Variants in CTXND1 observed in about 807,000 individuals in gnomAD.
The protein encoded by CTXND1 is cortexin domain containing 1.
chr15:80,226,597 C>T (rs1893374479), intron 1 of CTXND1, among the ~76,000 whole-genome samples: 1 of 152,174 alleles, frequency 6.6e-6, no homozygotes, highest in Non-Finnish European at 1.5e-5. Flanking sequence ...ATTGAATTCT[C>T]CACTTTCCCC....
intron 1 of CTXND1, among the ~76,000 whole-genome samples, chr15:80,235,747 T>C (rs1362702036): frequency 6.6e-6 from 1 of 151,884 alleles, no homozygotes; most frequent in African/African-American, 2.4e-5. Flanking sequence ...AGGGCTACCC[T>C]ACCAATCCCT....
chr15:80,204,207 C>A (rs60618394), intron 1 of CTXND1, among the ~76,000 whole-genome samples: 5 of 52,872 alleles, frequency 9.5e-5, no homozygotes, highest in South Asian at 7.0e-4. Flanking sequence ...TATACACAAA[C>A]ACATACACAC....
At chr15:80,219,798 A>G (rs1893292487) in intron 1 of CTXND1, among the ~76,000 whole-genome samples, 1 of 152,056 alleles carries the variant, frequency 6.6e-6, no homozygotes, top group South Asian at 2.1e-4. Flanking sequence ...ATCTTTTTAT[A>G]ATTTTATTGG....
At chr15:80,245,643 G>A (rs1015590568) in intron 1 of CTXND1, among the ~76,000 whole-genome samples, 6 of 152,270 alleles carry the variant, frequency 3.9e-5, no homozygotes, top group Middle Eastern at 3.4e-3. Context: ...AAGGACAGGG[G>A]GCATGGACTC....
chr15:80,224,131 C>T lies in CTXND1; in HGVS notation c.-217-20391G>A, dbSNP rs537052158. On this transcript the variant is annotated intron_variant, in intron 1 of 2. Transcript: ENST00000560778. ...AGAGACTAAAGAGGAAAGAGGGATG[C>T]CTGAGGAACCCCAGCAGTTCCAGCC... Among the ~76,000 whole-genome samples the T allele has an allele frequency of 2.6e-5, 4 of 152,244 alleles. No individual in the cohort carries two copies. In the East Asian group the frequency reaches 7.7e-4, roughly 29 times the overall value.
At chr15:80,223,182 G>A (rs934482356) in intron 1 of CTXND1, among the ~76,000 whole-genome samples, 10 of 152,096 alleles carry the variant, frequency 6.6e-5, no homozygotes, top group Admixed American at 3.9e-4. Context: ...AGGTTCAAGC[G>A]ATTCTCCAGA....
At chr15:80,204,704 T>C (rs1177646281) in intron 1 of CTXND1, among the ~76,000 whole-genome samples, 1 of 150,548 alleles carries the variant, frequency 6.6e-6, no homozygotes. Context: ...TTTTCATCAA[T>C]GGACACTCAG....
intron 1 of CTXND1, among the ~76,000 whole-genome samples, chr15:80,237,352 A>G (rs1020494196): frequency 6.6e-6 from 1 of 151,216 alleles, no homozygotes; most frequent in Non-Finnish European, 1.5e-5. Context: ...AAAAAAAAAA[A>G]AAAAAGAAAG....
chr15:80,206,349 T>A (rs1359096423), intron 1 of CTXND1, among the ~76,000 whole-genome samples: 1 of 152,210 alleles, frequency 6.6e-6, no homozygotes, highest in East Asian at 1.9e-4. Flanking sequence ...TAATTTTCAT[T>A]TATCTTCGTG....
intron 1 of CTXND1, among the ~76,000 whole-genome samples, chr15:80,226,330 A>G (rs16971853): frequency 0.3 from 45,641 of 152,122 alleles, 7,773 homozygotes; most frequent in East Asian, 0.58. Context: ...CTTTTTGCTC[A>G]GTTGAAAATA....
intron 1 of CTXND1, among the ~76,000 whole-genome samples, chr15:80,223,301 C>T (rs1250923075): frequency 6.6e-6 from 1 of 152,198 alleles, no homozygotes; most frequent in Non-Finnish European, 1.5e-5. Context: ...AGGTGATCTG[C>T]CCGCTTCAGC....
intron 1 of CTXND1, among the ~76,000 whole-genome samples, chr15:80,227,185 T>A (rs545017440): frequency 6.6e-6 from 1 of 152,326 alleles, no homozygotes; most frequent in Middle Eastern, 3.4e-3. Flanking sequence ...AGCAAACAAC[T>A]GGTACACAAG....
At chr15:80,204,581 C>G (rs1162538178) in intron 1 of CTXND1, among the ~76,000 whole-genome samples, 1 of 150,656 alleles carries the variant, frequency 6.6e-6, no homozygotes, top group Non-Finnish European at 1.5e-5. Context: ...ATAATGTCCT[C>G]CAGCTTCATC....
At chr15:80,230,734 T>C (rs1893418650) in intron 1 of CTXND1, among the ~76,000 whole-genome samples, 1 of 152,136 alleles carries the variant, frequency 6.6e-6, no homozygotes, top group Admixed American at 6.5e-5. Flanking sequence ...AAAGTATGGG[T>C]ATTTAAAAGT....
At chr15:80,202,735 T>C (rs1324889684) in intron 2 of CTXND1, among the ~76,000 whole-genome samples, 1 of 152,228 alleles carries the variant, frequency 6.6e-6, no homozygotes, top group Non-Finnish European at 1.5e-5. Flanking sequence ...GGAGGGTCTA[T>C]ATCCCCTTCC....
At chr15:80,212,947 A>C (rs1020055) in intron 1 of CTXND1, among the ~76,000 whole-genome samples, 136,273 of 152,260 alleles carry the variant, frequency 0.9, 61,241 homozygotes, top group African/African-American at 0.97. Flanking sequence ...AAGGGTGGAG[A>C]CTTCAAAAAT....
intron 1 of CTXND1, among the ~76,000 whole-genome samples, chr15:80,243,843 C>A (rs1893598387): frequency 6.6e-6 from 1 of 152,196 alleles, no homozygotes; most frequent in Non-Finnish European, 1.5e-5. Flanking sequence ...TCTTTTGGGG[C>A]TACCAGCTTA....
chr15:80,234,721 G>A (rs1158148144), intron 1 of CTXND1, among the ~76,000 whole-genome samples: 1 of 152,112 alleles, frequency 6.6e-6, no homozygotes, highest in Non-Finnish European at 1.5e-5. Context: ...CAGGTGATCT[G>A]CCAGCCTTGG....
chr15:80,216,302 G>A (rs1010265279), intron 1 of CTXND1, among the ~76,000 whole-genome samples: 2 of 152,094 alleles, frequency 1.3e-5, no homozygotes, highest in African/African-American at 4.8e-5. Flanking sequence ...TCCCCTCTGC[G>A]CAGCTACATA....
Sources: gnomAD v4.1 joint callset for allele counts (sites outside exome capture counted in the v4.1 genomes callset) on GRCh38, gnomAD v4.1.1 for gene constraint, MANE v1.5 for transcripts, NCBI Gene and HGNC (gene_info 2026-07-23, HGNC 2026-07-21) for gene names.